Variants in HPS3 observed in about 807,000 individuals in gnomAD.
HPS3 encodes BLOC-2 complex member HPS3.
In HPS3, 79 loss-of-function variants were observed where a neutral mutation model predicts 110.9. The ratio of observed to expected loss-of-function variants is 0.71; its 90% confidence interval spans 0.59 to 0.86. The LOEUF is 0.86. Among genes scored for constraint, HPS3 ranks in the 40% least tolerant of loss-of-function variants. The pLI is 0.00. For synonymous variants in HPS3, 428 were observed against 451.0 expected (o/e 0.95, Z 0.65); for missense variants, 1,197 against 1,206.2 (o/e 0.99, Z 0.11).
intron 6 of HPS3, among the ~76,000 whole-genome samples, chr3:149,151,768 A>G (rs1007139717): frequency 6.6e-6 from 1 of 152,134 alleles, no homozygotes; most frequent in African/African-American, 2.4e-5. Context: ...TGAATTGGAT[A>G]TTTGTTAGGA....
At chr3:149,135,250 G>C (rs1275417378) in intron 1 of HPS3, among the ~76,000 whole-genome samples, 1 of 152,200 alleles carries the variant, frequency 6.6e-6, no homozygotes, top group African/African-American at 2.4e-5. Flanking sequence ...GGGGACCTCT[G>C]ACATCGTCAT....
intron 11 of HPS3, among the ~76,000 whole-genome samples, chr3:149,161,513 T>C (rs938546421): frequency 7.6e-5 from 11 of 145,368 alleles, no homozygotes; most frequent in Non-Finnish European, 1.7e-4. Context: ...ACACCCTTTT[T>C]TTTTTTTTTT....
chr3:149,129,954 A>G lies in HPS3; in HGVS notation c.217+14A>G. ...ACAGCGAGGCTGGTGAGTAATCTAG[A>G]GAGCCAGGGGCCGCCTGGGGTCCAG... is the stretch of plus-strand genomic sequence containing the variant. On this transcript the variant is annotated intron_variant, in intron 1 of 16. Transcript: ENST00000296051. 1 of 1,536,120 alleles carries G rather than the reference A, an allele frequency of 6.5e-7. No individual in the cohort carries two copies. The highest frequency in any genetic ancestry group is 8.7e-7 in the Non-Finnish European group (1 of 1,147,150).
intron 1 of HPS3, among the ~76,000 whole-genome samples, chr3:149,134,961 C>A (rs1722002364): frequency 6.6e-6 from 1 of 152,156 alleles, no homozygotes; most frequent in Non-Finnish European, 1.5e-5. Context: ...AACTTGTTTT[C>A]CACTTCACAG....
intron 6 of HPS3, among the ~76,000 whole-genome samples, chr3:149,151,470 A>G (rs1400088831): frequency 6.6e-6 from 1 of 151,726 alleles, no homozygotes; most frequent in Non-Finnish European, 1.5e-5. Context: ...ATTATCAGCT[A>G]TGCCTGTAAT....
Position 149,158,654 on chromosome 3 carries a change from C to T in HPS3, c.1692-12C>T. 1 of 1,612,512 alleles carries T rather than the reference C, an allele frequency of 6.2e-7. No individual in the cohort carries two copies. The highest frequency in any genetic ancestry group is 8.5e-7 in the Non-Finnish European group (1 of 1,178,724). Reference sequence around the variant, plus strand: ...GTGACAAATTTGAGGTTTTTCATTTCCTTCCCTTTAGGCTTGACTCCCAGC... The same window carrying T: ...GTGACAAATTTGAGGTTTTTCATTTTCTTCCCTTTAGGCTTGACTCCCAGC... On this transcript the variant is annotated splice_polypyrimidine_tract_variant and intron_variant, in intron 9 of 16. Transcript: ENST00000296051.
chr3:149,167,617 A>G (rs1379254920), intron 15 of HPS3, among the ~76,000 whole-genome samples: 6 of 152,074 alleles, frequency 3.9e-5, no homozygotes, highest in Non-Finnish European at 8.8e-5. Flanking sequence ...CACATAGGAG[A>G]TGATAACGGG....
intron 5 of HPS3, among the ~76,000 whole-genome samples, chr3:149,149,076 C>T (rs1722951288): frequency 6.6e-6 from 1 of 151,054 alleles, no homozygotes; most frequent in Admixed American, 6.6e-5. Flanking sequence ...GCCTCAGCCT[C>T]CCGAGTAGCT....
chr3:149,129,756 G>A lies in HPS3; in HGVS notation c.33G>A (p.Gly11=), dbSNP rs757932578. The A allele has an allele frequency of 8.1e-6, 13 of 1,606,520 alleles. No homozygotes were observed. The South Asian group carries it at 1.3e-4, about 16-fold the overall frequency. Residue 11 remains glycine, a synonymous_variant, in exon 1 of 17, where the codon GGG becomes GGA. Transcript: ENST00000296051. ...AGCTGTACAACCTGCACCCGTTCGG[G>A]TCGCAGCAGGTGGTGCCCTGCAAGC... MVQLYNLHPF[G]SQQVVPCKLE... is the part of the protein sequence containing the mutation.
chr3:149,138,338 T>C (rs933256728), intron 1 of HPS3, among the ~76,000 whole-genome samples: 1 of 152,172 alleles, frequency 6.6e-6, no homozygotes, highest in Non-Finnish European at 1.5e-5. Context: ...CAATTTCAAT[T>C]CATCGGAAAA....
intron 11 of HPS3, among the ~76,000 whole-genome samples, chr3:149,160,921 A>G (rs890313011): frequency 2.6e-5 from 4 of 152,184 alleles, no homozygotes; most frequent in African/African-American, 9.6e-5. Context: ...GTATTATACA[A>G]ATGAGGAAAT....
intron 8 of HPS3, among the ~76,000 whole-genome samples, chr3:149,155,435 T>C (rs1723391837): frequency 6.6e-6 from 1 of 152,178 alleles, no homozygotes; most frequent in Non-Finnish European, 1.5e-5. Context: ...AAGACTCCCT[T>C]ATTCATACCC....
chr3:149,141,312 T>G lies in HPS3; in HGVS notation c.902T>G (p.Ile301Ser), dbSNP rs1722434697. Reference sequence around the variant, plus strand: ...ACCCACAGACGTTTTGCTCCTGATATTTCGTCCTATGTCTTGTCTGATGAC... The same window carrying G: ...ACCCACAGACGTTTTGCTCCTGATAGTTCGTCCTATGTCTTGTCTGATGAC... The part of the protein sequence containing the change: ...HLLYRRFAPD[I>S]SSYVLSDDIK... Residue 301 changes from isoleucine (I) to serine (S), a missense_variant, in exon 4 of 17, where the codon ATT becomes AGT. Ile to Ser is a moderately radical substitution (Grantham distance 142). Transcript: ENST00000296051. The G allele has an allele frequency of 6.2e-7, 1 of 1,613,970 alleles. No homozygotes were observed.
intron 1 of HPS3, 88 bp downstream of exon 1, chr3:149,130,028 C>A: frequency 7.8e-7 from 1 of 1,278,490 alleles, no homozygotes; most frequent in Non-Finnish European, 1.1e-6. Flanking sequence ...GTAGCTCTAG[C>A]TAGGGATGGG....
intron 14 of HPS3, among the ~76,000 whole-genome samples, chr3:149,165,776 C>G (rs1243813566): frequency 1.3e-5 from 2 of 152,148 alleles, no homozygotes; most frequent in East Asian, 3.8e-4. Flanking sequence ...ACTCCCTTCC[C>G]CATTATCTGG....
intron 1 of HPS3, among the ~76,000 whole-genome samples, chr3:149,131,450 C>T (rs1201293451): frequency 6.6e-6 from 1 of 152,130 alleles, no homozygotes; most frequent in East Asian, 1.9e-4. Flanking sequence ...ATATTTCAAA[C>T]TTTATCATAA....
At chr3:149,167,715 G>A (rs935393504) in intron 15 of HPS3, among the ~76,000 whole-genome samples, 178 bp from the exon 16 acceptor site, 4 of 152,032 alleles carry the variant, frequency 2.6e-5, no homozygotes, top group Non-Finnish European at 4.4e-5. Flanking sequence ...TGACTTTTAC[G>A]TTATAGTTAA....
intron 1 of HPS3, among the ~76,000 whole-genome samples, chr3:149,131,434 T>A (rs1322705456): frequency 6.6e-6 from 1 of 152,236 alleles, no homozygotes; most frequent in Non-Finnish European, 1.5e-5. Flanking sequence ...TTGATAGTTC[T>A]TGGCAATATT....
At chr3:149,145,726 G>C (rs1722749650) in intron 5 of HPS3, among the ~76,000 whole-genome samples, 180 bp downstream of exon 5, 1 of 152,180 alleles carries the variant, frequency 6.6e-6, no homozygotes, top group Admixed American at 6.5e-5. Context: ...CAAAGATTTA[G>C]ACTCTGGTTT....
Sources: allele counts gnomAD v4.1 joint callset (sites outside exome capture counted in the v4.1 genomes callset), GRCh38; gene constraint gnomAD v4.1.1; transcripts MANE v1.5; gene names NCBI Gene and HGNC (gene_info 2026-07-23, HGNC 2026-07-21).